The following AOPEP variants were observed in gnomAD, a reference collection of about 807,000 sequenced individuals.
AOPEP encodes the protein aminopeptidase O (putative), also known as aminopeptidase O.
AOPEP carries 77 observed loss-of-function variants against 98.1 expected under a neutral mutation model. That is an observed-to-expected ratio of 0.78 (90% CI 0.65 to 0.95). The LOEUF is 0.95. AOPEP is among the 40% of genes least tolerant of loss of function. The pLI is 0.00. For synonymous variants in AOPEP, 346 were observed against 365.3 expected (o/e 0.95, Z 0.60); for missense variants, 1,024 against 1,024.7 (o/e 1.00, Z 0.01).
chr9:94,736,773 T>C (rs1831871756), intron 1 of AOPEP, among the ~76,000 whole-genome samples: 2 of 141,100 alleles, frequency 1.4e-5, no homozygotes, highest in Non-Finnish European at 3.0e-5. Context: ...TTCATGGAAT[T>C]AAGGTCCTTT....
intron 5 of AOPEP, among the ~76,000 whole-genome samples, chr9:94,859,547 G>A (rs2044671456): frequency 1.3e-5 from 2 of 152,166 alleles, no homozygotes; most frequent in African/African-American, 4.8e-5. Context: ...CCCATAGAAG[G>A]TAACATTCAC....
chr9:95,104,252 G>A, the AOPEP span, among the ~76,000 whole-genome samples: 2 of 152,200 alleles, frequency 1.3e-5, no homozygotes, highest in Non-Finnish European at 2.9e-5. Flanking sequence ...AATAAAGATG[G>A]TTTCAAAACA....
intron 3 of AOPEP, among the ~76,000 whole-genome samples, chr9:94,781,788 G>A (rs957538993): frequency 4.0e-5 from 6 of 150,910 alleles, no homozygotes; most frequent in African/African-American, 1.2e-4. Flanking sequence ...TCTCTATCTC[G>A]TGATCTTGTG....
chr9:94,810,396 A>G (rs754582117), intron 5 of AOPEP, among the ~76,000 whole-genome samples: 13 of 148,370 alleles, frequency 8.8e-5, no homozygotes, highest in Non-Finnish European at 1.5e-4. Flanking sequence ...ATCATTGCAT[A>G]CTCTACCTCC....
At chr9:94,738,733 T>A (rs1239237559) in intron 1 of AOPEP, among the ~76,000 whole-genome samples, 9 of 151,674 alleles carry the variant, frequency 5.9e-5, no homozygotes, top group Admixed American at 4.6e-4. Flanking sequence ...GCCACCACGC[T>A]TGGCTAATTT....
At chr9:94,999,553 C>T (rs1046296305) in intron 11 of AOPEP, among the ~76,000 whole-genome samples, 23 of 152,100 alleles carry the variant, frequency 1.5e-4, no homozygotes, top group African/African-American at 4.8e-4. Flanking sequence ...TCCATCCTTC[C>T]GGTAAACATT....
At chr9:94,955,146 A>G in intron 7 of AOPEP, 31 bp from the exon 8 acceptor site, 3 of 1,269,438 alleles carry the variant, frequency 2.4e-6, no homozygotes, top group Non-Finnish European at 3.4e-6. Context: ...AATGTGCTAT[A>G]CTTAAATAAA....
downstream of AOPEP, among the ~76,000 whole-genome samples, chr9:95,090,879 A>G (rs2070857635): frequency 6.6e-6 from 1 of 152,230 alleles, no homozygotes; most frequent in Admixed American, 6.5e-5. Context: ...TACTGAAATA[A>G]TAGCCTCCAT....
chr9:94,776,839 A>G (rs969814334), intron 3 of AOPEP, among the ~76,000 whole-genome samples: 3 of 151,672 alleles, frequency 2.0e-5, no homozygotes, highest in African/African-American at 7.3e-5. Context: ...ATTTTCATTC[A>G]GTTTCAAATG....
the AOPEP span, chr9:95,125,126 G>A: frequency 1.4e-5 from 22 of 1,614,056 alleles, no homozygotes; most frequent in Middle Eastern, 1.6e-4. Context: ...AAAGCACTGC[G>A]TAAACACCTG....
intron 1 of AOPEP, among the ~76,000 whole-genome samples, chr9:94,728,239 G>GCGCGCGCACACACACACACACACACA (rs113657409): frequency 6.8e-6 from 1 of 146,512 alleles, no homozygotes; most frequent in East Asian, 2.0e-4. Flanking sequence ...GTGCGCGCAT[G>GCGCGCGCACACACACACACACACACA]CACACACACA....
intron 10 of AOPEP, among the ~76,000 whole-genome samples, chr9:94,977,291 G>A (rs1285574257): frequency 1.3e-5 from 2 of 152,100 alleles, no homozygotes; most frequent in African/African-American, 4.8e-5. Flanking sequence ...AGTTCATTTG[G>A]TGGAGGGGTC....
At chr9:95,035,314 T>C (rs747861689) in intron 13 of AOPEP, among the ~76,000 whole-genome samples, 37 of 152,070 alleles carry the variant, frequency 2.4e-4, no homozygotes, top group Non-Finnish European at 5.3e-4. Flanking sequence ...AGTCTGCTCC[T>C]GTGATGTATC....
chr9:94,954,496 A>G (rs1467898568), intron 7 of AOPEP, among the ~76,000 whole-genome samples: 7 of 152,228 alleles, frequency 4.6e-5, no homozygotes, highest in Non-Finnish European at 8.8e-5. Context: ...TAATGTTTTA[A>G]GAAGTTTATG....
intron 7 of AOPEP, among the ~76,000 whole-genome samples, chr9:94,952,921 T>C (rs888423619): frequency 1.3e-5 from 2 of 152,210 alleles, no homozygotes; most frequent in African/African-American, 4.8e-5. Context: ...AAGGACATTT[T>C]TAGGCAAAGG....
At chr9:95,101,784 T>C in the AOPEP span, 3 of 1,614,030 alleles carry the variant, frequency 1.9e-6, no homozygotes, top group South Asian at 1.1e-5. Flanking sequence ...CCAAGACGAT[T>C]CCATCTGTAC....
At chr9:94,880,245 T>C (rs2047411988) in intron 5 of AOPEP, among the ~76,000 whole-genome samples, 2 of 152,254 alleles carry the variant, frequency 1.3e-5, no homozygotes, top group Non-Finnish European at 2.9e-5. Context: ...ACAGGATAGC[T>C]GAAAGGAGTT....
chr9:94,819,727 TG>T (rs1852564882), intron 5 of AOPEP, among the ~76,000 whole-genome samples: 1 of 151,672 alleles, frequency 6.6e-6, no homozygotes, highest in African/African-American at 2.4e-5. Context: ...TGTGCCACCA[TG>T]CCTGGCTAAA....
chr9:94,970,896 A>G (rs2059496393), intron 10 of AOPEP, among the ~76,000 whole-genome samples: 1 of 152,154 alleles, frequency 6.6e-6, no homozygotes. Context: ...AAAAAAGAAA[A>G]TTAATAGAAA....
Sources: allele counts gnomAD v4.1 joint callset (sites outside exome capture counted in the v4.1 genomes callset), GRCh38; gene constraint gnomAD v4.1.1; transcripts MANE v1.5; gene names NCBI Gene and HGNC (gene_info 2026-07-23, HGNC 2026-07-21).